Variants in ESRRG observed in about 807,000 individuals in gnomAD.
ESRRG encodes the protein estrogen-related receptor gamma.
Under a neutral mutation model 44.0 loss-of-function variants are expected in ESRRG, and 13 were observed. That is an observed-to-expected ratio of 0.30 (90% CI 0.19 to 0.47). The LOEUF is 0.47. Ranked by LOEUF, ESRRG falls within the 20% of genes least tolerant of loss-of-function variation. ESRRG has a pLI of 1.00. For missense variants in ESRRG, 395 were observed against 580.6 expected, an observed-to-expected ratio of 0.68 and a Z score of 3.29; for synonymous variants, 215 against 214.6, an observed-to-expected ratio of 1.00 and a Z score of -0.02.
chr1:216,933,506 C>A (rs897141403), intron 2 of ESRRG, among the ~76,000 whole-genome samples: 4 of 152,112 alleles, frequency 2.6e-5, no homozygotes, highest in African/African-American at 9.6e-5. Context: ...CCCTCCATGG[C>A]TGATTTGAGC....
At chr1:216,555,432 A>G (rs929300957) in intron 5 of ESRRG, among the ~76,000 whole-genome samples, 1 of 152,088 alleles carries the variant, frequency 6.6e-6, no homozygotes, top group African/African-American at 2.4e-5. Context: ...ACTAATTTTG[A>G]TAGGTACAAA....
chr1:216,599,618 C>T (rs1425088903), intron 3 of ESRRG, among the ~76,000 whole-genome samples: 1 of 151,996 alleles, frequency 6.6e-6, no homozygotes, highest in Non-Finnish European at 1.5e-5. Flanking sequence ...TCAGTTTCAA[C>T]CCTGATTAAT....
chr1:216,693,303 T>A (rs1010652331), intron 1 of ESRRG, among the ~76,000 whole-genome samples: 5 of 152,200 alleles, frequency 3.3e-5, no homozygotes, highest in African/African-American at 1.2e-4. Context: ...ATGTGTGTAA[T>A]TAAAGAAAAA....
chr1:216,525,744 T>C (rs570682359), intron 5 of ESRRG, among the ~76,000 whole-genome samples: 112 of 152,238 alleles, frequency 7.4e-4, no homozygotes, highest in African/African-American at 2.7e-3. Context: ...AAAAACACCA[T>C]TTGGAAGCCA....
At chr1:216,957,298 G>A (rs986833418) in intron 1 of ESRRG, among the ~76,000 whole-genome samples, 1 of 152,058 alleles carries the variant, frequency 6.6e-6, no homozygotes, top group Admixed American at 6.5e-5. Flanking sequence ...TACCATATAT[G>A]TACTTACAAA....
chr1:217,011,558 T>C (rs1236800352), intron 1 of ESRRG, among the ~76,000 whole-genome samples: 1 of 152,120 alleles, frequency 6.6e-6, no homozygotes, highest in Non-Finnish European at 1.5e-5. Flanking sequence ...TGCTAGATAA[T>C]CTCCCAAGGA....
At chr1:217,135,677 G>A (rs137980143) in intron 1 of ESRRG, among the ~76,000 whole-genome samples, 337 of 152,318 alleles carry the variant, frequency 2.2e-3, no homozygotes, top group Middle Eastern at 6.8e-3. Flanking sequence ...ACCAGAGGGT[G>A]TTTCGGGGCT....
At chr1:216,960,854 G>C (rs921645394) in intron 1 of ESRRG, among the ~76,000 whole-genome samples, 1 of 152,124 alleles carries the variant, frequency 6.6e-6, no homozygotes, top group East Asian at 1.9e-4. Context: ...TCCTCCCAAA[G>C]TGCTGGAATT....
chr1:216,975,362 C>G (rs1429958761), intron 1 of ESRRG, among the ~76,000 whole-genome samples: 1 of 152,180 alleles, frequency 6.6e-6, no homozygotes, highest in East Asian at 1.9e-4. Flanking sequence ...CAAAAAGAAG[C>G]AACCTCTGTT....
At chr1:217,134,559 T>C (rs2093020667) in intron 1 of ESRRG, among the ~76,000 whole-genome samples, 2 of 152,268 alleles carry the variant, frequency 1.3e-5, no homozygotes, top group Non-Finnish European at 2.9e-5. Flanking sequence ...CACAACTTTC[T>C]CCACACCCCG....
chr1:216,822,652 C>T (rs1036677714), intron 2 of ESRRG, among the ~76,000 whole-genome samples: 2 of 152,176 alleles, frequency 1.3e-5, no homozygotes, highest in East Asian at 1.9e-4. Context: ...TTCTGCTACT[C>T]CTGAGTCTCA....
chr1:216,667,013 GTA>G (rs2074079687), intron 2 of ESRRG, among the ~76,000 whole-genome samples: 1 of 152,118 alleles, frequency 6.6e-6, no homozygotes, highest in African/African-American at 2.4e-5. Flanking sequence ...TCGGGAACAG[GTA>G]CGTTTGAGTA....
At chr1:216,600,269 G>A (rs1465762820) in intron 3 of ESRRG, among the ~76,000 whole-genome samples, 2 of 152,162 alleles carry the variant, frequency 1.3e-5, no homozygotes, top group Non-Finnish European at 2.9e-5. Flanking sequence ...GTAGATACGT[G>A]TCATTATACA....
chr1:216,977,528 C>A (rs1176407451), intron 1 of ESRRG, among the ~76,000 whole-genome samples: 2 of 152,112 alleles, frequency 1.3e-5, no homozygotes, highest in African/African-American at 4.8e-5. Flanking sequence ...GTAACCCTTA[C>A]TGAATAGAAG....
chr1:217,049,063 G>T lies in ESRRG; in HGVS notation c.-106+40444C>A, dbSNP rs191817920. Among the ~76,000 whole-genome samples, 12 of 152,182 alleles carry T rather than the reference G, an allele frequency of 7.9e-5. No homozygotes were observed. The East Asian group carries it at 2.1e-3, about 27-fold the overall frequency. The stretch of plus-strand genomic sequence containing the variant: ...AGCTCCTCTGTCACTCCAGGGCCCT[G>T]GTCATCATGGTCTCCTCAGTTTCTT... On this transcript the variant is annotated intron_variant, in intron 1 of 7. Coordinates refer to the ESRRG transcript ENST00000359162.
intron 2 of ESRRG, among the ~76,000 whole-genome samples, chr1:216,854,576 G>T (rs1398662712): frequency 6.6e-6 from 1 of 152,030 alleles, no homozygotes; most frequent in African/African-American, 2.4e-5. Flanking sequence ...TTAATTAACT[G>T]CCCAGACTAA....
intron 1 of ESRRG, chr1:216,686,047 G>T (rs1434194800): frequency 6.6e-6 from 1 of 152,214 alleles, no homozygotes; most frequent in Admixed American, 6.5e-5. Flanking sequence ...AACCCCATCT[G>T]TTGGGTAGCA....
intron 2 of ESRRG, among the ~76,000 whole-genome samples, chr1:216,738,853 T>C (rs2090309659): frequency 6.6e-6 from 1 of 152,174 alleles, no homozygotes; most frequent in African/African-American, 2.4e-5. Context: ...ATTTATTTAC[T>C]TATGAGACAG....
At position 217,098,020 on chromosome 1, in the gene ESRRG, C is replaced by T. The variant is rs145242544; in HGVS notation, c.-230+39647G>A. Among the ~76,000 whole-genome samples the T allele has an allele frequency of 2.0e-3, 297 of 152,260 alleles. 3 individuals are homozygous for T. The highest frequency in any genetic ancestry group is 8.9e-3 in the South Asian group (43 of 4,820). On this transcript the variant is annotated intron_variant, in intron 1 of 8. Coordinates refer to the ESRRG transcript ENST00000366940. The stretch of plus-strand genomic sequence containing the variant: ...CCAGGCAATAGTATTGCTTTACAAT[C>T]CCCAAGTGATTCTAGTGTGCTTCAA...
Sources: allele counts gnomAD v4.1 joint callset (sites outside exome capture counted in the v4.1 genomes callset), GRCh38; gene constraint gnomAD v4.1.1; transcripts MANE v1.5; gene names NCBI Gene and HGNC (gene_info 2026-07-23, HGNC 2026-07-21).